Variants in COL6A3 observed in about 807,000 individuals in gnomAD.
The protein encoded by COL6A3 is collagen type VI alpha 3 chain, also known as collagen alpha-3(VI) chain.
A neutral mutation model predicts 274.1 loss-of-function variants in COL6A3; 137 were observed. That is an observed-to-expected ratio of 0.50 (90% confidence interval 0.44 to 0.58). The LOEUF (loss-of-function observed/expected upper bound fraction) is 0.58, where lower values mean the gene tolerates loss of function less well. Ranked by LOEUF, COL6A3 falls within the 20% of genes least tolerant of loss-of-function variation. The probability of loss-of-function intolerance (pLI) is 0.00; values close to 1 mark genes in which losing one functional copy is unlikely to be tolerated. For missense variants in COL6A3, 3,950 were observed against 4,124.9 expected (o/e 0.96, Z 1.16); for synonymous variants, 1,650 against 1,650.6 (o/e 1.00, Z 0.01).
chr2:237,366,926 T>C lies in COL6A3; in HGVS notation c.5261A>G (p.Lys1754Arg), dbSNP rs77632596. ...PQIAFVITGG[K>R]SVEDAQDVSL... ...CACATCCTGTGCATCTTCCACCGAC[T>C]TTCCTCCCGTGATCACAAAGGCAAT... is the stretch of plus-strand genomic sequence containing the variant. The change falls in exon 11 of 44, where the codon AAG becomes AGG. Residue 1754 changes from lysine to arginine, a missense_variant. Lys to Arg is a conservative substitution (Grantham distance 26). Transcript: ENST00000295550. 8.7e-3 allele frequency: 14,005 copies of C among 1,614,222 alleles called. 80 individuals are homozygous for C. The highest frequency in any genetic ancestry group is 0.013 in the Middle Eastern group (81 of 6,062).
At chr2:237,363,148 C>T in intron 14 of COL6A3, 105 bp downstream of exon 14, 3 of 1,144,744 alleles carry the variant, frequency 2.6e-6, no homozygotes, top group Non-Finnish European at 3.9e-6. Context: ...CCAAGGCCCC[C>T]CCCCCACCTC....
intron 4 of COL6A3, among the ~76,000 whole-genome samples, chr2:237,385,533 C>T (rs775391477): frequency 1.6e-4 from 24 of 152,182 alleles, no homozygotes; most frequent in Non-Finnish European, 3.1e-4. Context: ...CCCAGGATCA[C>T]ATGGCAGGTC....
intron 4 of COL6A3, among the ~76,000 whole-genome samples, chr2:237,383,698 G>A (rs2078070611): frequency 6.6e-6 from 1 of 152,030 alleles, no homozygotes; most frequent in African/African-American, 2.4e-5. Context: ...TATACCAAGT[G>A]GCCCAGATTG....
chr2:237,332,086 TATATATATATATATATATATA>T lies in COL6A3; in HGVS notation c.9328+1343_9328+1363del, dbSNP rs1287309005. On this transcript the variant is annotated intron_variant, in intron 42 of 43. Transcript: ENST00000295550. ...CTCTCTCTACATATATATATATATA[TATATATATATATATATATATA>T]TATATATATATGAAAAGAAAAACAA... Among the ~76,000 whole-genome samples the T allele has an allele frequency of 9.9e-4, 27 of 27,326 alleles. 2 individuals carry two copies. The highest frequency in any genetic ancestry group is 3.6e-3 in the African/African-American group (16 of 4,500). The allele number at this position is 27,326 out of a possible 152,430, so 17.9% of individuals were successfully genotyped here.
chr2:237,411,035 C>T (rs1477685739), intron 1 of COL6A3, among the ~76,000 whole-genome samples: 1 of 152,174 alleles, frequency 6.6e-6, no homozygotes, highest in Non-Finnish European at 1.5e-5. Context: ...CAGGTCCCTC[C>T]TCAAATCGTC....
chr2:237,350,420 G>A (rs1387722556), intron 27 of COL6A3, among the ~76,000 whole-genome samples: 1 of 152,198 alleles, frequency 6.6e-6, no homozygotes, highest in Non-Finnish European at 1.5e-5. Flanking sequence ...CACCAGCGTG[G>A]CATGGGGGAC....
chr2:237,332,491 T>A (rs1700315609), intron 42 of COL6A3, among the ~76,000 whole-genome samples: 1 of 152,132 alleles, frequency 6.6e-6, no homozygotes, highest in South Asian at 2.1e-4. Flanking sequence ...CTCTTTGAGC[T>A]CAAGCACCAT....
At position 237,361,229 on chromosome 2, in the gene COL6A3, A is replaced by G. The variant is rs2077430497; in HGVS notation, c.6157-55T>C. ...AATCCCGTGGTCTTCTTTGCTCTAC[A>G]GTAAGAATCCCTGTGGTCCCCCTTC... On this transcript the variant is annotated intron_variant, in intron 15 of 43. Coordinates refer to ENST00000295550, the MANE Select transcript of COL6A3 (RefSeq NM_004369.4). This position sits in a 1 kb window ranked among gnomAD's most constrained non-coding sequence, Gnocchi z 5.1. 6.6e-7 allele frequency: 1 copy of G among 1,521,444 alleles called. No homozygotes were observed. The highest frequency in any genetic ancestry group is 9.1e-7 in the Non-Finnish European group (1 of 1,096,272). The allele number at this position is 1,521,444 out of a possible 1,614,324, so 94.2% of individuals were successfully genotyped here. A position where few individuals can be genotyped will look rare whatever the true frequency, so the allele number is the denominator to read the frequency against.
At chr2:237,401,398 A>G (rs1482423149) in intron 1 of COL6A3, among the ~76,000 whole-genome samples, 1 of 152,170 alleles carries the variant, frequency 6.6e-6, no homozygotes, top group African/African-American at 2.4e-5. Context: ...AGTGTTTTAT[A>G]GTTTTTAGTG....
At chr2:237,337,525 G>A (rs1280817664) in intron 39 of COL6A3, among the ~76,000 whole-genome samples, 2 of 152,244 alleles carry the variant, frequency 1.3e-5, no homozygotes, top group South Asian at 2.1e-4. Flanking sequence ...GCAGTAGGAA[G>A]AGATGGGCTC....
At chr2:237,327,545 G>A (rs919364543) in intron 42 of COL6A3, 1 of 152,118 alleles carries the variant, frequency 6.6e-6, no homozygotes, top group African/African-American at 2.4e-5. Context: ...ATTTCAGTGA[G>A]AGTCACTACT....
intron 1 of COL6A3, among the ~76,000 whole-genome samples, chr2:237,397,400 C>T (rs985177364): frequency 1.6e-5 from 2 of 122,242 alleles, no homozygotes; most frequent in African/African-American, 6.2e-5. Flanking sequence ...AGAAGAAAAA[C>T]AAAGAGGAGA....
chr2:237,332,070 CATATATATATA>C (rs1700263012), intron 42 of COL6A3, among the ~76,000 whole-genome samples: 2 of 35,172 alleles, frequency 5.7e-5, no homozygotes, highest in Admixed American at 6.0e-4. Context: ...TCTCTCTCTA[CATATATATATA>C]TATATATATA....
In COL6A3 at chr2:237,396,716, C is replaced by T; in HGVS notation, c.91+11G>A. On this transcript the variant is annotated intron_variant, in intron 2 of 43. Coordinates refer to ENST00000295550, the MANE Select transcript of COL6A3 (RefSeq NM_004369.4). ...CCTTTTTACAAAATCAAGGACGTTT[C>T]TGGCTCTTACCTGCTTGCTGCTGCT... 1 of 1,613,904 alleles carries T rather than the reference C, an allele frequency of 6.2e-7. No homozygotes were observed. Among genetic ancestry groups the T allele is most frequent in the Non-Finnish European group, 8.5e-7 (1 of 1,179,810 alleles).
intron 28 of COL6A3, among the ~76,000 whole-genome samples, 186 bp downstream of exon 28, chr2:237,349,961 C>T (rs1344493722): frequency 6.6e-6 from 1 of 152,124 alleles, no homozygotes; most frequent in Non-Finnish European, 1.5e-5. Flanking sequence ...CACCTCTCTA[C>T]CCCTGCCAAT....
intron 3 of COL6A3, among the ~76,000 whole-genome samples, 194 bp from the exon 4 acceptor site, chr2:237,388,378 G>T (rs555824863): frequency 2.6e-5 from 4 of 152,212 alleles, no homozygotes; most frequent in Non-Finnish European, 5.9e-5. Context: ...CAACCTCTTA[G>T]AAATCATGGT....
chr2:237,370,664 C>T (rs1263670215), intron 9 of COL6A3, among the ~76,000 whole-genome samples: 3 of 152,254 alleles, frequency 2.0e-5, no homozygotes, highest in Non-Finnish European at 4.4e-5. Flanking sequence ...CTACTCCACA[C>T]ATTTCAACCT....
chr2:237,359,181 T>C lies in COL6A3; in HGVS notation c.6354+25A>G, dbSNP rs2077381576. Reference sequence around the variant, plus strand: ...TGGAATCTTCAGAACCAAAAGCAGTTTGGACTTAGAGTAAAATCACTTACA... The same window carrying C: ...TGGAATCTTCAGAACCAAAAGCAGTCTGGACTTAGAGTAAAATCACTTACA... On this transcript the variant is annotated intron_variant, in intron 19 of 43. Coordinates refer to ENST00000295550, the MANE Select transcript of COL6A3 (RefSeq NM_004369.4). 2.5e-6 allele frequency: 4 copies of C among 1,614,146 alleles called. No individual in the cohort carries two copies. The East Asian group carries it at 8.9e-5, about 36-fold the overall frequency.
chr2:237,383,610 T>C (rs1239448706), intron 4 of COL6A3, among the ~76,000 whole-genome samples: 1 of 152,188 alleles, frequency 6.6e-6, no homozygotes, highest in Admixed American at 6.5e-5. Context: ...ACCACTCATG[T>C]ATTTACTATG....
Sources: allele counts gnomAD v4.1 joint callset (sites outside exome capture counted in the v4.1 genomes callset), GRCh38; gene constraint gnomAD v4.1.1; non-coding constraint Gnocchi (gnomAD v3.1); transcripts MANE v1.5; gene names NCBI Gene and HGNC (gene_info 2026-07-23, HGNC 2026-07-21).